GLIS3: variants seen among roughly 807,000 people sequenced by gnomAD.
GLIS3 encodes zinc finger protein GLIS3.
A neutral mutation model predicts 78.6 loss-of-function variants in GLIS3; 53 were observed. That is an observed-to-expected ratio of 0.67 (90% CI 0.54 to 0.85). GLIS3 has a LOEUF of 0.85. Among genes scored for constraint, GLIS3 ranks in the 40% least tolerant of loss-of-function variants. The pLI, the probability that GLIS3 is intolerant of heterozygous loss-of-function variation, is 0.00. For missense variants in GLIS3, 1,703 were observed against 1,231.1 expected (o/e 1.38, Z -5.74); for synonymous variants, 684 against 509.9 (o/e 1.34, Z -4.60).
At chr9:4,241,784 G>C (rs1035189932) in intron 2 of GLIS3, among the ~76,000 whole-genome samples, 5 of 152,116 alleles carry the variant, frequency 3.3e-5, no homozygotes, top group Non-Finnish European at 7.4e-5. Flanking sequence ...CTGAGTTCAA[G>C]TGATTCTCAT....
chr9:4,408,429 T>TA, the GLIS3 span, among the ~76,000 whole-genome samples: 2,872 of 134,198 alleles, frequency 0.021, 72 homozygotes, highest in African/African-American at 0.066. Flanking sequence ...TAATGGATAT[T>TA]AAAAAAAAAA....
At chr9:4,478,482 G>T in the GLIS3 span, among the ~76,000 whole-genome samples, 1 of 151,882 alleles carries the variant, frequency 6.6e-6, no homozygotes. Flanking sequence ...CTGGTGGCGG[G>T]CGCCTATAAT....
chr9:4,102,573 TA>T (rs1177243627), intron 4 of GLIS3, among the ~76,000 whole-genome samples: 2 of 152,128 alleles, frequency 1.3e-5, no homozygotes, highest in African/African-American at 4.8e-5. Context: ...GGGATGCAGC[TA>T]AACAACCGAC....
chr9:4,181,542 T>A (rs1428131073), intron 2 of GLIS3, among the ~76,000 whole-genome samples: 1 of 152,190 alleles, frequency 6.6e-6, no homozygotes, highest in East Asian at 1.9e-4. Flanking sequence ...CCTTCCTATA[T>A]TTAGAAATTT....
At chr9:4,052,530 T>A (rs1378769929) in intron 4 of GLIS3, among the ~76,000 whole-genome samples, 2 of 152,180 alleles carry the variant, frequency 1.3e-5, no homozygotes, top group Non-Finnish European at 2.9e-5. Context: ...ACTAGTCGGA[T>A]TTCTGTCTCT....
intron 7 of GLIS3, among the ~76,000 whole-genome samples, chr9:3,896,933 T>A (rs2890540): frequency 0.99 from 150,869 of 152,266 alleles, 74,760 homozygotes; most frequent in Middle Eastern, 1. Flanking sequence ...GAATATAGAA[T>A]AGAGTCATGG....
At chr9:4,247,666 A>C (rs992364916) in intron 2 of GLIS3, among the ~76,000 whole-genome samples, 2 of 152,190 alleles carry the variant, frequency 1.3e-5, no homozygotes, top group Non-Finnish European at 2.9e-5. Flanking sequence ...ATAAAAAAAC[A>C]AATATTTAAA....
At chr9:4,011,081 C>G (rs2130029134) in intron 4 of GLIS3, among the ~76,000 whole-genome samples, 1 of 152,280 alleles carries the variant, frequency 6.6e-6, no homozygotes, top group African/African-American at 2.4e-5. Context: ...ATTTTATTCC[C>G]CATACTTGTA....
At chr9:4,325,956 GAAAC>G (rs764479009) in intron 2 of GLIS3, among the ~76,000 whole-genome samples, 1 of 152,116 alleles carries the variant, frequency 6.6e-6, no homozygotes, top group Non-Finnish European at 1.5e-5. Flanking sequence ...CAAGAACAGA[GAAAC>G]AAACACCACC....
chr9:4,197,556 G>A (rs1329717799), intron 2 of GLIS3, among the ~76,000 whole-genome samples: 4 of 152,122 alleles, frequency 2.6e-5, no homozygotes, highest in East Asian at 1.9e-4. Flanking sequence ...TTTGGTGTCC[G>A]CCCACTGGAT....
intron 4 of GLIS3, among the ~76,000 whole-genome samples, chr9:3,999,817 AAAG>A (rs1310390469): frequency 1.3e-5 from 2 of 152,184 alleles, no homozygotes; most frequent in Admixed American, 6.5e-5. Context: ...AGTCAGGTTT[AAAG>A]AAGAACAGAG....
At chr9:4,209,518 C>T (rs1215999320) in intron 2 of GLIS3, among the ~76,000 whole-genome samples, 1 of 152,218 alleles carries the variant, frequency 6.6e-6, no homozygotes, top group African/African-American at 2.4e-5. Flanking sequence ...ATAGAAACTT[C>T]ACCAGCAACA....
At chr9:3,908,708 T>TTTTTG (rs1313758313) in intron 6 of GLIS3, among the ~76,000 whole-genome samples, 3 of 105,102 alleles carry the variant, frequency 2.9e-5, no homozygotes, top group Non-Finnish European at 4.2e-5. Flanking sequence ...TTGTATTTGT[T>TTTTTG]TTTTTTTTTT....
Position 4,253,364 on chromosome 9 carries a change from G to C in GLIS3, c.388+32674C>G, listed in dbSNP as rs538733942. 1.1e-4 allele frequency among the ~76,000 whole-genome samples: 16 copies of C among 152,328 alleles called. No homozygotes were observed. The South Asian group carries it at 1.9e-3, about 18-fold the overall frequency. ...ACAGTGGCTTTGCCAAGGTGCAGTG[G>C]GCTCTGCCCAGTTTGAAATTCCCCG... On this transcript the variant is annotated intron_variant, in intron 2 of 10. Transcript: ENST00000381971.
chr9:3,886,269 T>C (rs1170718355), intron 7 of GLIS3, among the ~76,000 whole-genome samples: 2 of 152,192 alleles, frequency 1.3e-5, no homozygotes, highest in East Asian at 3.9e-4. Flanking sequence ...AATAAGCTTT[T>C]TGTTGTTCTA....
At chr9:4,012,591 C>A (rs914868948) in intron 4 of GLIS3, among the ~76,000 whole-genome samples, 1 of 151,998 alleles carries the variant, frequency 6.6e-6, no homozygotes, top group South Asian at 2.1e-4. Flanking sequence ...TTCTGTTGGA[C>A]TAGTGTGTAA....
At chr9:4,133,756 T>C (rs1430721208) in intron 2 of GLIS3, among the ~76,000 whole-genome samples, 1 of 151,882 alleles carries the variant, frequency 6.6e-6, no homozygotes, top group Non-Finnish European at 1.5e-5. Flanking sequence ...CTTTCTGATA[T>C]TGTTTCTAGC....
chr9:4,486,293 C>T, the GLIS3 span, among the ~76,000 whole-genome samples: 7 of 152,116 alleles, frequency 4.6e-5, no homozygotes, highest in Non-Finnish European at 8.8e-5. Context: ...CCTTTATCTG[C>T]GTAAGATTCA....
chr9:3,929,588 T>C (rs1229761003), intron 6 of GLIS3, among the ~76,000 whole-genome samples: 2 of 152,098 alleles, frequency 1.3e-5, no homozygotes, highest in Non-Finnish European at 2.9e-5. Flanking sequence ...AATAATGTCA[T>C]TTAATGTCTA....
Sources: gnomAD v4.1 joint callset for allele counts (sites outside exome capture counted in the v4.1 genomes callset) on GRCh38, gnomAD v4.1.1 for gene constraint, MANE v1.5 for transcripts, NCBI Gene and HGNC (gene_info 2026-07-23, HGNC 2026-07-21) for gene names.